The following CRADD variants were observed in gnomAD, a reference collection of about 807,000 sequenced individuals.
The protein encoded by CRADD is CARD and death domain containing adaptor protein, also known as death domain-containing protein CRADD.
In CRADD, 9 loss-of-function variants were observed where a neutral mutation model predicts 15.5. The ratio of observed to expected loss-of-function variants is 0.58; its 90% CI spans 0.35 to 1.01. The LOEUF (loss-of-function observed/expected upper bound fraction) is 1.01, where lower values mean the gene tolerates loss of function less well. Among genes scored for constraint, CRADD ranks in the 50% least tolerant of loss-of-function variants. CRADD has a pLI of 0.02. For missense variants in CRADD, 227 were observed against 250.3 expected, an observed-to-expected ratio of 0.91 and a Z score of 0.63; for synonymous variants, 118 against 107.6, an observed-to-expected ratio of 1.10 and a Z score of -0.60.
At chr12:93,798,844 GTGCT>G in intron 2 of CRADD, among the ~76,000 whole-genome samples, 1 of 152,332 alleles carries the variant, frequency 6.6e-6, no homozygotes, top group East Asian at 1.9e-4. Context: ...AGGCCAAGAA[GTGCT>G]GATGAGTTTC....
At chr12:93,791,696 G>A (rs532618776) in intron 2 of CRADD, among the ~76,000 whole-genome samples, 2 of 152,182 alleles carry the variant, frequency 1.3e-5, no homozygotes, top group East Asian at 1.9e-4. Flanking sequence ...ATAAGTACAC[G>A]AGGTGATGGA....
chr12:93,800,833 G>A (rs539522867), intron 2 of CRADD, among the ~76,000 whole-genome samples: 23 of 152,126 alleles, frequency 1.5e-4, no homozygotes, highest in African/African-American at 2.9e-4. Context: ...AGACACATCC[G>A]AAAATAATGT....
intron 2 of CRADD, among the ~76,000 whole-genome samples, chr12:93,746,698 A>G (rs1956756599): frequency 6.6e-6 from 1 of 152,228 alleles, no homozygotes; most frequent in Non-Finnish European, 1.5e-5. Context: ...GATGAACCCA[A>G]GGTTCAAAGA....
chr12:93,697,446 A>T (rs549508275), intron 2 of CRADD, among the ~76,000 whole-genome samples: 1 of 152,350 alleles, frequency 6.6e-6, no homozygotes, highest in East Asian at 1.9e-4. Context: ...CAGCCTCCAG[A>T]ACTGTGAGAA....
chr12:93,775,981 TTTTCTC>T (rs1957136749), intron 2 of CRADD, among the ~76,000 whole-genome samples: 1 of 152,202 alleles, frequency 6.6e-6, no homozygotes, highest in Admixed American at 6.5e-5. Context: ...TGCAAAGTGA[TTTTCTC>T]TTTCTCTAAA....
At chr12:93,714,396 A>G (rs7959913) in intron 2 of CRADD, 55,195 of 152,080 alleles carry the variant, frequency 0.36, 11,051 homozygotes, top group East Asian at 0.57. Flanking sequence ...AAACTTTCAC[A>G]TGAGTATTTT....
chr12:93,886,106 T>C (rs1355065470), intron 2 of CRADD, among the ~76,000 whole-genome samples: 1 of 150,876 alleles, frequency 6.6e-6, no homozygotes, highest in African/African-American at 2.5e-5. Flanking sequence ...TCAGTCTTTA[T>C]ATCTATAAGA....
intron 1 of CRADD, 50 bp downstream of exon 1, chr12:93,677,522 T>C (rs1008278317): frequency 4.6e-5 from 7 of 152,276 alleles, no homozygotes; most frequent in Admixed American, 4.6e-4. Context: ...TTGTAGCGTC[T>C]GCGACCTGGG....
At chr12:93,847,511 A>AC (rs1958142788) in intron 2 of CRADD, among the ~76,000 whole-genome samples, 1 of 148,048 alleles carries the variant, frequency 6.8e-6, no homozygotes, top group Admixed American at 6.7e-5. Context: ...AAAAAAAAAA[A>AC]AAAAAAAAAA....
intron 2 of CRADD, among the ~76,000 whole-genome samples, chr12:93,783,187 G>A (rs569297183): frequency 2.7e-5 from 4 of 150,704 alleles, no homozygotes; most frequent in Non-Finnish European, 5.9e-5. Flanking sequence ...TTCCCCCAGG[G>A]ACTGTCCTGG....
intron 2 of CRADD, among the ~76,000 whole-genome samples, chr12:93,751,612 C>A (rs1379518175): frequency 6.6e-6 from 1 of 152,188 alleles, no homozygotes; most frequent in South Asian, 2.1e-4. Flanking sequence ...TGCCTGTAAT[C>A]CCAGCACTTT....
At chr12:93,841,700 C>CATATCTTG (rs2137040823) in intron 2 of CRADD, among the ~76,000 whole-genome samples, 1 of 152,180 alleles carries the variant, frequency 6.6e-6, no homozygotes, top group East Asian at 1.9e-4. Context: ...GGCTTGGCCA[C>CATATCTTG]ATATCTTGCT....
intron 2 of CRADD, among the ~76,000 whole-genome samples, chr12:93,862,665 G>C (rs1958327533): frequency 6.6e-6 from 1 of 152,196 alleles, no homozygotes; most frequent in Admixed American, 6.5e-5. Flanking sequence ...TCACCCTTTA[G>C]ACTACCAAGA....
At chr12:93,869,767 A>G (rs1355459290) in intron 2 of CRADD, among the ~76,000 whole-genome samples, 1 of 152,204 alleles carries the variant, frequency 6.6e-6, no homozygotes, top group Non-Finnish European at 1.5e-5. Context: ...GGAGAAGAAT[A>G]TTTGAAAAGA....
At chr12:93,791,663 C>T (rs181092473) in intron 2 of CRADD, among the ~76,000 whole-genome samples, 1 of 152,080 alleles carries the variant, frequency 6.6e-6, no homozygotes, top group East Asian at 1.9e-4. Flanking sequence ...CTGAGTAAAT[C>T]CAAATGTTCA....
At chr12:93,709,766 T>C (rs1956028046) in intron 2 of CRADD, among the ~76,000 whole-genome samples, 1 of 152,252 alleles carries the variant, frequency 6.6e-6, no homozygotes, top group Admixed American at 6.5e-5. Context: ...TATATTCGTC[T>C]GGCTATATAC....
At chr12:93,879,156 T>G (rs1958478066) in intron 2 of CRADD, among the ~76,000 whole-genome samples, 1 of 152,214 alleles carries the variant, frequency 6.6e-6, no homozygotes, top group African/African-American at 2.4e-5. Flanking sequence ...TTGTATCTGT[T>G]CTGTACTTCA....
chr12:93,695,388 A>G (rs1955679602), intron 2 of CRADD, among the ~76,000 whole-genome samples: 1 of 152,184 alleles, frequency 6.6e-6, no homozygotes, highest in African/African-American at 2.4e-5. Context: ...GCTCTATGAC[A>G]TTGGTCTGGG....
chr12:93,887,410 AT>A (rs1271697748), intron 2 of CRADD, among the ~76,000 whole-genome samples: 1 of 152,226 alleles, frequency 6.6e-6, no homozygotes, highest in Non-Finnish European at 1.5e-5. Flanking sequence ...AACACAGAGG[AT>A]ACAAAATAAG....
Sources: allele counts gnomAD v4.1 joint callset (sites outside exome capture counted in the v4.1 genomes callset), GRCh38; gene constraint gnomAD v4.1.1; transcripts MANE v1.5; gene names NCBI Gene and HGNC (gene_info 2026-07-23, HGNC 2026-07-21).